The following STK32B variants were observed in gnomAD, a reference collection of about 807,000 sequenced individuals.
STK32B encodes the protein serine/threonine-protein kinase 32B.
In STK32B, 43 loss-of-function variants were observed where a neutral mutation model predicts 52.6. That is an observed-to-expected ratio of 0.82 (90% CI 0.64 to 1.05). The LOEUF is 1.05. STK32B is among the 50% of genes least tolerant of loss of function. The probability of loss-of-function intolerance (pLI) is 0.00; values close to 1 mark genes in which losing one functional copy is unlikely to be tolerated. For synonymous variants in STK32B, 238 were observed against 204.3 expected, an observed-to-expected ratio of 1.17 and a Z score of -1.41; for missense variants, 621 against 534.6, an observed-to-expected ratio of 1.16 and a Z score of -1.59.
chr4:5,231,990 A>G (rs893733577), intron 3 of STK32B, among the ~76,000 whole-genome samples: 4 of 152,180 alleles, frequency 2.6e-5, no homozygotes, highest in Non-Finnish European at 5.9e-5. Flanking sequence ...CTTCATTGAG[A>G]ACATACTAGC....
intron 3 of STK32B, among the ~76,000 whole-genome samples, chr4:5,241,168 G>C (rs1044675429): frequency 1.2e-4 from 19 of 152,086 alleles, no homozygotes; most frequent in African/African-American, 4.6e-4. Context: ...GGCAATCCCA[G>C]CTTGTTCCTG....
intron 5 of STK32B, among the ~76,000 whole-genome samples, chr4:5,403,614 A>G (rs1020634332): frequency 6.6e-6 from 1 of 152,202 alleles, no homozygotes; most frequent in South Asian, 2.1e-4. Context: ...ACTCGTTTCA[A>G]AGAATTGCCT....
At chr4:5,124,452 C>T (rs1715239320) in intron 1 of STK32B, among the ~76,000 whole-genome samples, 1 of 152,176 alleles carries the variant, frequency 6.6e-6, no homozygotes, top group Non-Finnish European at 1.5e-5. Flanking sequence ...TGTTTCCTAA[C>T]CCACCAGAAA....
At chr4:5,223,395 A>G (rs905708278) in intron 3 of STK32B, among the ~76,000 whole-genome samples, 2 of 152,280 alleles carry the variant, frequency 1.3e-5, no homozygotes, top group South Asian at 2.1e-4. Flanking sequence ...CTAGCACACA[A>G]TGGCAGCCTG....
At chr4:5,037,475 C>T in the STK32B span, among the ~76,000 whole-genome samples, 8 of 152,212 alleles carry the variant, frequency 5.3e-5, no homozygotes, top group African/African-American at 1.9e-4. Context: ...GAATGTCTGA[C>T]AGCTAGTGTG....
chr4:5,347,214 T>G (rs1026767784), intron 4 of STK32B, among the ~76,000 whole-genome samples: 1 of 152,202 alleles, frequency 6.6e-6, no homozygotes, highest in Non-Finnish European at 1.5e-5. Context: ...AGTTAGAAGC[T>G]GGATTCAGCT....
At chr4:5,481,389 A>T (rs1449448155) in intron 11 of STK32B, among the ~76,000 whole-genome samples, 1 of 152,128 alleles carries the variant, frequency 6.6e-6, no homozygotes, top group African/African-American at 2.4e-5. Context: ...TTCTTTTGAG[A>T]AGTGTCTGTT....
chr4:5,097,994 G>A (rs145872201), intron 1 of STK32B, among the ~76,000 whole-genome samples: 47 of 152,300 alleles, frequency 3.1e-4, no homozygotes, highest in East Asian at 2.7e-3. Context: ...TAACAGCCTT[G>A]GCCGGGATGG....
intron 2 of STK32B, among the ~76,000 whole-genome samples, chr4:5,147,277 A>G (rs1716986528): frequency 6.6e-6 from 1 of 152,134 alleles, no homozygotes; most frequent in Non-Finnish European, 1.5e-5. Context: ...AAATTTTTGT[A>G]TCTTAATCTC....
intron 11 of STK32B, among the ~76,000 whole-genome samples, chr4:5,480,920 T>C (rs555395318): frequency 3.3e-5 from 5 of 152,174 alleles, no homozygotes; most frequent in African/African-American, 4.8e-5. Context: ...ACTCATCATT[T>C]TTTATGGCTG....
intron 3 of STK32B, among the ~76,000 whole-genome samples, chr4:5,223,834 AAGT>A (rs1424083249): frequency 2.6e-5 from 4 of 151,476 alleles, no homozygotes; most frequent in African/African-American, 7.3e-5. Flanking sequence ...AAAAAAAAAA[AAGT>A]AACATTATTC....
chr4:5,037,469 G>A, the STK32B span, among the ~76,000 whole-genome samples: 1 of 152,190 alleles, frequency 6.6e-6, no homozygotes, highest in Non-Finnish European at 1.5e-5. Context: ...ATTAATGAAT[G>A]TCTGACAGCT....
Position 5,467,948 on chromosome 4 carries a change from A to G in STK32B, c.1042-58A>G, listed in dbSNP as rs1442722846. 14 of 1,593,146 alleles carry G rather than the reference A, an allele frequency of 8.8e-6. No individual in the cohort carries two copies. The highest frequency in any genetic ancestry group is 3.3e-5 in the Admixed American group (2 of 59,922). On this transcript the variant is annotated intron_variant, in intron 10 of 11. Transcript: ENST00000282908. This position sits in a 1 kb window ranked among gnomAD's most constrained non-coding sequence, Gnocchi z 5.8. Reference sequence around the variant, plus strand: ...GTCTGCCGTCCTGTGATGCTCCATTACCGCGCGTCCCCGGACCGTGCTTTG... The same window carrying G: ...GTCTGCCGTCCTGTGATGCTCCATTGCCGCGCGTCCCCGGACCGTGCTTTG...
intron 1 of STK32B, among the ~76,000 whole-genome samples, chr4:5,113,059 C>A (rs1213655346): frequency 6.6e-6 from 1 of 152,102 alleles, no homozygotes. Flanking sequence ...GTCCTGAGTG[C>A]TGTCATCTGG....
intron 6 of STK32B, among the ~76,000 whole-genome samples, chr4:5,431,792 A>G (rs1208681562): frequency 6.6e-6 from 1 of 152,192 alleles, no homozygotes; most frequent in Non-Finnish European, 1.5e-5. Flanking sequence ...CAGTGGTTTC[A>G]TGTTATCTCA....
Position 5,405,823 on chromosome 4 carries a change from A to G in STK32B, c.472+7579A>G, listed in dbSNP as rs138145230. ...CCCTCTTCCAACACTGGGGATTACA[A>G]TTAGACATGAGATTTGGACAGAAAC... On this transcript the variant is annotated intron_variant, in intron 5 of 11. Coordinates refer to ENST00000282908, the MANE Select transcript of STK32B (RefSeq NM_018401.3). Among the ~76,000 whole-genome samples the G allele has an allele frequency of 2.8e-4, 43 of 152,288 alleles. 3 individuals carry two copies. Among genetic ancestry groups the G allele is most frequent in the East Asian group, 2.5e-3 (13 of 5,168 alleles).
the STK32B span, among the ~76,000 whole-genome samples, chr4:5,026,246 A>G: frequency 1.3e-5 from 2 of 152,252 alleles, no homozygotes; most frequent in African/African-American, 4.8e-5. Flanking sequence ...AATAAGTGAT[A>G]CAGGTAACCA....
At chr4:5,146,468 G>C (rs988288827) in intron 2 of STK32B, among the ~76,000 whole-genome samples, 1 of 152,204 alleles carries the variant, frequency 6.6e-6, no homozygotes, top group Non-Finnish European at 1.5e-5. Flanking sequence ...CAGCAAGTCA[G>C]TTTCTTGCAC....
At chr4:5,216,320 T>A (rs1050603062) in intron 3 of STK32B, among the ~76,000 whole-genome samples, 5 of 152,134 alleles carry the variant, frequency 3.3e-5, no homozygotes, top group African/African-American at 1.2e-4. Context: ...CCAGGCACTT[T>A]GTTAGGGGCC....
Sources: allele counts gnomAD v4.1 joint callset (sites outside exome capture counted in the v4.1 genomes callset), GRCh38; gene constraint gnomAD v4.1.1; non-coding constraint Gnocchi (gnomAD v3.1); transcripts MANE v1.5; gene names NCBI Gene and HGNC (gene_info 2026-07-23, HGNC 2026-07-21).